SLC13A3: variants seen among roughly 807,000 people sequenced by gnomAD.
SLC13A3 encodes Na(+)/dicarboxylate cotransporter 3.
In SLC13A3, 40 loss-of-function variants were observed where a neutral mutation model predicts 59.0. The ratio of observed to expected loss-of-function variants is 0.68; its 90% CI spans 0.53 to 0.88. The LOEUF (loss-of-function observed/expected upper bound fraction) is 0.88, where lower values mean the gene tolerates loss of function less well. SLC13A3 is among the 40% of genes least tolerant of loss of function. The pLI is 0.00. For missense variants in SLC13A3, 699 were observed against 783.2 expected, an observed-to-expected ratio of 0.89 and a Z score of 1.28; for synonymous variants, 317 against 330.3, an observed-to-expected ratio of 0.96 and a Z score of 0.44.
chr20:46,667,721 G>A (rs567067702), intron 1 of SLC13A3, among the ~76,000 whole-genome samples: 2 of 152,300 alleles, frequency 1.3e-5, no homozygotes, highest in African/African-American at 4.8e-5. Context: ...CATCTGAAAC[G>A]AGAACTATAA....
chr20:46,641,500 G>C (rs1041303662), intron 1 of SLC13A3, among the ~76,000 whole-genome samples: 1 of 152,130 alleles, frequency 6.6e-6, no homozygotes. Flanking sequence ...GAAGAGGGCA[G>C]GTGTGCTTGA....
At chr20:46,602,119 A>T (rs185347226) in intron 3 of SLC13A3, among the ~76,000 whole-genome samples, 4 of 152,252 alleles carry the variant, frequency 2.6e-5, no homozygotes, top group Non-Finnish European at 4.4e-5. Context: ...GGATTGCTTG[A>T]GCCGAGAGTT....
At chr20:46,677,169 A>C (rs995161343) in intron 1 of SLC13A3, among the ~76,000 whole-genome samples, 3 of 152,284 alleles carry the variant, frequency 2.0e-5, no homozygotes, top group South Asian at 2.1e-4. Context: ...CCACCTCGGC[A>C]TTCCAAAGTG....
intron 11 of SLC13A3, 107 bp downstream of exon 11, chr20:46,566,122 G>C: frequency 2.3e-6 from 2 of 862,860 alleles, no homozygotes; most frequent in Non-Finnish European, 3.8e-6. Flanking sequence ...TATTTTGGAA[G>C]ACAGCAATGG....
intron 1 of SLC13A3, chr20:46,682,351 G>A (rs2063157597): frequency 6.6e-6 from 1 of 152,230 alleles, no homozygotes. Context: ...CAACCCCTAA[G>A]GTAGCACGTG....
At chr20:46,563,382 C>A in intron 12 of SLC13A3, 32 bp downstream of exon 12, 1 of 1,603,312 alleles carries the variant, frequency 6.2e-7, no homozygotes, top group Non-Finnish European at 8.5e-7. Flanking sequence ...ACCCACATCC[C>A]GGGGCCTCTG....
intron 9 of SLC13A3, among the ~76,000 whole-genome samples, chr20:46,581,308 G>A (rs1268425929): frequency 2.0e-5 from 3 of 152,196 alleles, no homozygotes; most frequent in African/African-American, 7.2e-5. Context: ...CTGACCAAGG[G>A]CAGCTGATCC....
intron 1 of SLC13A3, among the ~76,000 whole-genome samples, chr20:46,662,608 C>T (rs967188267): frequency 7.2e-5 from 11 of 152,206 alleles, no homozygotes; most frequent in Non-Finnish European, 1.3e-4. Context: ...GAACTAAGCA[C>T]ACTGCTCAAA....
intron 9 of SLC13A3, among the ~76,000 whole-genome samples, chr20:46,581,186 A>G (rs750258949): frequency 2.0e-5 from 3 of 152,200 alleles, no homozygotes; most frequent in Non-Finnish European, 2.9e-5. Context: ...CTAAGCCCCA[A>G]TTTGGGGGCT....
chr20:46,596,199 G>T lies in SLC13A3; in HGVS notation c.752C>A (p.Thr251Lys). 1.2e-6 allele frequency: 2 copies of T among 1,614,082 alleles called. No homozygotes were observed. Among genetic ancestry groups the T allele is most frequent in the Non-Finnish European group, 1.7e-6 (2 of 1,180,040 alleles). ...SASIGGTATL[T>K]GTAPNLILLG... ...CAGGATGAGGTTAGGGGCTGTGCCC[G>T]TGAGTGTGGCTGTGCCCCCAATACT... is the stretch of plus-strand genomic sequence containing the variant. The change falls in exon 5 of 13, where the codon ACG (threonine) becomes AAG (lysine). Residue 251 changes from threonine to lysine, a missense_variant. By Grantham distance (78) the Thr-to-Lys change is moderately conservative. Transcript: ENST00000279027.
chr20:46,600,402 G>A (rs2062366692), intron 3 of SLC13A3, among the ~76,000 whole-genome samples: 2 of 146,644 alleles, frequency 1.4e-5, no homozygotes, highest in African/African-American at 2.5e-5. Context: ...AAGAAAGAAA[G>A]AAAGGAGGAA....
intron 6 of SLC13A3, among the ~76,000 whole-genome samples, 192 bp from the exon 7 acceptor site, chr20:46,589,447 T>C (rs2062230653): frequency 6.6e-6 from 1 of 152,208 alleles, no homozygotes; most frequent in Non-Finnish European, 1.5e-5. Context: ...GGTTGATCTT[T>C]GAAAATGTGA....
intron 11 of SLC13A3, among the ~76,000 whole-genome samples, chr20:46,565,359 C>T (rs1336690812): frequency 6.6e-6 from 1 of 152,224 alleles, no homozygotes; most frequent in Non-Finnish European, 1.5e-5. Context: ...TGGGAACTCT[C>T]TGTTCCTTGC....
chr20:46,594,978 G>A (rs907194474), intron 5 of SLC13A3, among the ~76,000 whole-genome samples: 2 of 152,176 alleles, frequency 1.3e-5, no homozygotes, highest in Admixed American at 1.3e-4. Context: ...CTCTCTCGGG[G>A]AGATCAGCAG....
chr20:46,626,097 T>TTCTCTCTCTCTCTCTCTCTC (rs74176872), intron 1 of SLC13A3, among the ~76,000 whole-genome samples: 50 of 145,888 alleles, frequency 3.4e-4, no homozygotes, highest in African/African-American at 1.2e-3. Context: ...CAAAGCTGTA[T>TTCTCTCTCTCTCTCTCTCTC]TCTCTCTCTC....
chr20:46,586,989 AT>A (rs1287912265), intron 8 of SLC13A3, among the ~76,000 whole-genome samples: 1 of 152,146 alleles, frequency 6.6e-6, no homozygotes, highest in Non-Finnish European at 1.5e-5. Flanking sequence ...ATTTCATATA[AT>A]TTTCGTGTAT....
At chr20:46,579,617 T>TG (rs773046747) in intron 9 of SLC13A3, among the ~76,000 whole-genome samples, 1 of 152,182 alleles carries the variant, frequency 6.6e-6, no homozygotes, top group Non-Finnish European at 1.5e-5. Context: ...CCCCACCCAC[T>TG]GGGAAATGCT....
At position 46,575,644 on chromosome 20, in the gene SLC13A3, C is replaced by A. The variant is rs200172953; in HGVS notation, c.1261G>T (p.Ala421Ser). The change falls in exon 10 of 13, where the codon GCC becomes TCC. Residue 421 changes from alanine (A) to serine (S), a missense_variant. Coordinates refer to ENST00000279027, the MANE Select transcript of SLC13A3 (RefSeq NM_022829.6). ...ETEPLLTWKK[A>S]QETVPWNIIL... is the part of the protein sequence containing the mutation. ...ATGTTCCAGGGCACTGTCTCCTGGG[C>A]CTTCTTCCAGGTCAGCAAGGGCTCT... The A allele has an allele frequency of 1.2e-4, 200 of 1,604,682 alleles. No homozygotes were observed. The highest frequency in any genetic ancestry group is 2.6e-6 in the Non-Finnish European group (3 of 1,175,454).
At chr20:46,597,094 CTA>C (rs200707348) in intron 4 of SLC13A3, among the ~76,000 whole-genome samples, 5,429 of 152,006 alleles carry the variant, frequency 0.036, 126 homozygotes, top group Middle Eastern at 0.051. Flanking sequence ...AAAGAAATGG[CTA>C]TGTTTCATGA....
Sources: allele counts gnomAD v4.1 joint callset (sites outside exome capture counted in the v4.1 genomes callset), GRCh38; gene constraint gnomAD v4.1.1; transcripts MANE v1.5; gene names NCBI Gene and HGNC (gene_info 2026-07-23, HGNC 2026-07-21).